The following ALOX5 variants were observed in gnomAD, a reference collection of about 807,000 sequenced individuals.
The protein encoded by ALOX5 is arachidonate 5-lipoxygenase, also known as polyunsaturated fatty acid 5-lipoxygenase.
A neutral mutation model predicts 87.9 loss-of-function variants in ALOX5; 64 were observed. The ratio of observed to expected loss-of-function variants is 0.73; its 90% CI spans 0.60 to 0.90. The LOEUF is 0.90. Ranked by LOEUF, ALOX5 falls within the 40% of genes least tolerant of loss-of-function variation. ALOX5 has a pLI of 0.00. For missense variants in ALOX5, 822 were observed against 907.5 expected, an observed-to-expected ratio of 0.91 and a Z score of 1.21; for synonymous variants, 388 against 355.1, an observed-to-expected ratio of 1.09 and a Z score of -1.04.
intron 1 of ALOX5, among the ~76,000 whole-genome samples, chr10:45,375,438 A>G (rs1421194057): frequency 2.6e-5 from 4 of 152,212 alleles, no homozygotes; most frequent in Non-Finnish European, 5.9e-5. Flanking sequence ...GCAGGTGCGC[A>G]GGGAATATCA....
intron 2 of ALOX5, among the ~76,000 whole-genome samples, chr10:45,383,512 C>T (rs1839912787): frequency 2.0e-5 from 3 of 152,212 alleles, no homozygotes; most frequent in South Asian, 2.1e-4. Flanking sequence ...GCCAGGCAGC[C>T]ACCGTAATAA....
chr10:45,418,185 T>C (rs1841363712), intron 4 of ALOX5, among the ~76,000 whole-genome samples: 1 of 151,940 alleles, frequency 6.6e-6, no homozygotes, highest in South Asian at 2.1e-4. Flanking sequence ...AGAAGAGGTG[T>C]CCCTGTATTT....
chr10:45,441,493 A>C, intron 9 of ALOX5, 63 bp downstream of exon 9: 6 of 1,500,114 alleles, frequency 4.0e-6, no homozygotes, highest in Non-Finnish European at 5.5e-6. Context: ...TTCACTCCCT[A>C]TCTGAGATCT....
intron 1 of ALOX5, among the ~76,000 whole-genome samples, chr10:45,380,536 C>T (rs1311392190): frequency 1.3e-5 from 2 of 152,188 alleles, no homozygotes; most frequent in African/African-American, 4.8e-5. Context: ...GGGATGCCTG[C>T]GCTCGCACAA....
intron 3 of ALOX5, among the ~76,000 whole-genome samples, chr10:45,411,123 CTG>C (rs1301497000): frequency 2.0e-5 from 3 of 152,152 alleles, no homozygotes; most frequent in African/African-American, 7.2e-5. Flanking sequence ...CATTTGTAAA[CTG>C]TCATGGCACT....
At chr10:45,415,410 G>C (rs139560940) in intron 4 of ALOX5, among the ~76,000 whole-genome samples, 37 of 152,210 alleles carry the variant, frequency 2.4e-4, no homozygotes, top group African/African-American at 8.4e-4. Context: ...ACAGGAAGGG[G>C]AACATCACAC....
In ALOX5 at chr10:45,445,531, A is replaced by G. The variant is rs747651195; in HGVS notation, c.1869A>G (p.Glu623=). ...AGCTGTTCCTGGGCATGTACCCAGA[A>G]GAGCATTTTATCGAGAAGCCTGTGA... is the stretch of plus-strand genomic sequence containing the variant. ...ENELFLGMYP[E]EHFIEKPVKE... Residue 623 remains glutamate (E), a synonymous_variant, in exon 14 of 14, where the codon GAA becomes GAG. Transcript: ENST00000374391. 1 of 1,614,152 alleles carries G rather than the reference A, an allele frequency of 6.2e-7. No individual in the cohort carries two copies. The highest frequency in any genetic ancestry group is 2.2e-5 in the East Asian group (1 of 44,874).
chr10:45,396,863 T>C (rs1379898102), intron 3 of ALOX5, among the ~76,000 whole-genome samples: 2 of 152,184 alleles, frequency 1.3e-5, no homozygotes, highest in African/African-American at 4.8e-5. Flanking sequence ...TTAAACAATA[T>C]GAACATGTGG....
chr10:45,394,318 G>T (rs776377564), intron 2 of ALOX5, among the ~76,000 whole-genome samples: 7 of 152,296 alleles, frequency 4.6e-5, no homozygotes, highest in Middle Eastern at 6.8e-3. Flanking sequence ...ACAACCATCT[G>T]ATCTTTGACA....
chr10:45,422,839 A>G (rs2132799390), intron 4 of ALOX5, among the ~76,000 whole-genome samples: 1 of 152,326 alleles, frequency 6.6e-6, no homozygotes, highest in East Asian at 1.9e-4. Context: ...TCCGGAGGCT[A>G]GAAGTCCAAG....
At chr10:45,395,796 G>C in intron 2 of ALOX5, 59 bp from the exon 3 acceptor site, 1 of 1,486,928 alleles carries the variant, frequency 6.7e-7, no homozygotes. Flanking sequence ...TGAACACTTG[G>C]CATTGGGCAT....
intron 4 of ALOX5, among the ~76,000 whole-genome samples, chr10:45,414,884 G>C (rs1841216248): frequency 6.6e-6 from 1 of 152,200 alleles, no homozygotes; most frequent in Non-Finnish European, 1.5e-5. Context: ...ACCACAATGA[G>C]ATACCATCTT....
At chr10:45,383,290 C>T (rs1464842498) in intron 2 of ALOX5, among the ~76,000 whole-genome samples, 1 of 152,268 alleles carries the variant, frequency 6.6e-6, no homozygotes, top group Non-Finnish European at 1.5e-5. Flanking sequence ...TGTGCAGACC[C>T]CAGTTAGGAG....
Position 45,440,621 on chromosome 10 carries a change from C to G in ALOX5, c.1173C>G (p.His391Gln). The G allele has an allele frequency of 6.2e-7, 1 of 1,614,112 alleles. No homozygotes were observed. The highest frequency in any genetic ancestry group is 8.5e-7 in the Non-Finnish European group (1 of 1,180,020). Residue 391 changes from histidine (H) to glutamine (Q), a missense_variant, in exon 8 of 14, where the codon CAC (histidine) becomes CAG (glutamine). Transcript: ENST00000374391. Reference protein sequence around the residue: ...IAMYRQLPAVHPIFKLLVAHV... With the variant: ...IAMYRQLPAVQPIFKLLVAHV... ...TGTACCGCCAGCTGCCTGCTGTGCA[C>G]CCCATTTTCAAGGTACAGCCAGCTA... is the stretch of plus-strand genomic sequence containing the variant.
At chr10:45,443,357 C>CG (rs1842307365) in intron 10 of ALOX5, 59 bp from the exon 11 acceptor site, 2 of 1,592,780 alleles carry the variant, frequency 1.3e-6, no homozygotes, top group Middle Eastern at 1.7e-4. Context: ...GGGTTGCCGC[C>CG]GGGCACCGCT....
intron 7 of ALOX5, among the ~76,000 whole-genome samples, chr10:45,436,101 C>T (rs1564446301): frequency 6.6e-6 from 1 of 152,124 alleles, no homozygotes; most frequent in Non-Finnish European, 1.5e-5. Context: ...GTCCTTTGCC[C>T]ACTTTTTAAT....
intron 13 of ALOX5, chr10:45,444,530 T>G (rs565556977): frequency 1.0e-5 from 5 of 478,926 alleles, no homozygotes; most frequent in African/African-American, 2.0e-5. Context: ...CACCAGAGGG[T>G]CGTGTGTGAC....
chr10:45,389,473 C>G (rs1451476577), intron 2 of ALOX5, among the ~76,000 whole-genome samples: 1 of 152,166 alleles, frequency 6.6e-6, no homozygotes, highest in Non-Finnish European at 1.5e-5. Flanking sequence ...AAGGGAAGCC[C>G]ATCAGACTAA....
intron 2 of ALOX5, among the ~76,000 whole-genome samples, chr10:45,393,275 C>A: frequency 6.6e-6 from 1 of 152,184 alleles, no homozygotes; most frequent in African/African-American, 2.4e-5. Flanking sequence ...GGGCATCATC[C>A]CTGGGATGCA....
Sources: allele counts gnomAD v4.1 joint callset (sites outside exome capture counted in the v4.1 genomes callset), GRCh38; gene constraint gnomAD v4.1.1; transcripts MANE v1.5; gene names NCBI Gene and HGNC (gene_info 2026-07-23, HGNC 2026-07-21).